The following GPAT3 variants were observed in gnomAD, a reference collection of about 807,000 sequenced individuals.
The protein encoded by GPAT3 is 1-AGP acyltransferase 9.
In GPAT3, 53 loss-of-function variants were observed where a neutral mutation model predicts 58.8. The ratio of observed to expected loss-of-function variants is 0.90; its 90% CI spans 0.72 to 1.13. GPAT3 has a LOEUF of 1.13. GPAT3 is among the 50% of genes most tolerant of loss of function. The pLI, the probability that GPAT3 is intolerant of heterozygous loss-of-function variation, is 0.00. For synonymous variants in GPAT3, 197 were observed against 187.4 expected (o/e 1.05, Z -0.42); for missense variants, 511 against 527.6 (o/e 0.97, Z 0.31).
chr4:83,559,626 G>A (rs1378054657), intron 2 of GPAT3, among the ~76,000 whole-genome samples: 1 of 152,118 alleles, frequency 6.6e-6, no homozygotes, highest in Non-Finnish European at 1.5e-5. Context: ...CCCGGAGAAA[G>A]CAGGAAAGTT....
Position 83,594,940 on chromosome 4 carries a change from T to C in GPAT3, c.834T>C (p.Asp278=), listed in dbSNP as rs1340952699. The part of the protein sequence containing the change: ...HVWFERSEMK[D]RHLVTKRLKE... ...GGTTTGAACGCTCAGAAATGAAGGA[T>C]CGACACCTGGTTACTAAGAGGTAAG... Residue 278 remains aspartate (D), a synonymous_variant, in exon 7 of 12, where the codon GAT becomes GAC. Coordinates refer to ENST00000264409, the MANE Select transcript of GPAT3 (RefSeq NM_032717.5). The C allele has an allele frequency of 6.2e-7, 1 of 1,613,742 alleles. No individual in the cohort carries two copies. The highest frequency in any genetic ancestry group is 8.5e-7 in the Non-Finnish European group (1 of 1,179,816).
intron 2 of GPAT3, among the ~76,000 whole-genome samples, chr4:83,573,143 T>C (rs1286306857): frequency 1.3e-5 from 2 of 152,112 alleles, no homozygotes; most frequent in Admixed American, 6.5e-5. Flanking sequence ...TTTATTTATT[T>C]ATTTATTTTG....
intron 2 of GPAT3, among the ~76,000 whole-genome samples, chr4:83,551,702 GA>G (rs1405328142): frequency 6.7e-6 from 1 of 148,888 alleles, no homozygotes; most frequent in East Asian, 2.0e-4. Flanking sequence ...TGAGGCAGGA[GA>G]ATCGCTTGAA....
intron 2 of GPAT3, among the ~76,000 whole-genome samples, chr4:83,563,160 T>G (rs1481818441): frequency 6.6e-6 from 1 of 152,240 alleles, no homozygotes; most frequent in Non-Finnish European, 1.5e-5. Flanking sequence ...TACTGATGTT[T>G]TTCTGGGAGG....
chr4:83,594,922 A>G lies in GPAT3; in HGVS notation c.816A>G (p.Glu272=). 1 of 1,613,946 alleles carries G rather than the reference A, an allele frequency of 6.2e-7. No individual in the cohort carries two copies. The highest frequency in any genetic ancestry group is 1.7e-5 in the Admixed American group (1 of 60,002). The change falls in exon 7 of 12, where the codon GAA becomes GAG. Residue 272 remains glutamate (E), a synonymous_variant. Coordinates refer to ENST00000264409, the MANE Select transcript of GPAT3 (RefSeq NM_032717.5). The part of the protein sequence containing the change: ...MVKACPHVWF[E]RSEMKDRHLV... ...AGGCTTGTCCTCATGTCTGGTTTGA[A>G]CGCTCAGAAATGAAGGATCGACACC...
intron 2 of GPAT3, among the ~76,000 whole-genome samples, chr4:83,546,876 T>C (rs1724538957): frequency 6.6e-6 from 1 of 152,126 alleles, no homozygotes; most frequent in African/African-American, 2.4e-5. Flanking sequence ...TTTGCTCCCC[T>C]CCTGATTTCG....
intron 9 of GPAT3, among the ~76,000 whole-genome samples, chr4:83,597,770 C>T (rs1726900637): frequency 6.6e-6 from 1 of 152,148 alleles, no homozygotes; most frequent in Non-Finnish European, 1.5e-5. Flanking sequence ...TCTGTTCCTG[C>T]TTTCATCAGC....
rs1328185712 is a variant in GPAT3, at chr4:83,605,315, TG to T, written c.*549del. The T allele has an allele frequency of 6.6e-6, 1 of 152,318 alleles. No homozygotes were observed. The highest frequency in any genetic ancestry group is 2.4e-5 in the African/African-American group (1 of 41,442). The allele number at this position is 152,318 out of a possible 1,614,324, so 9.4% of individuals were successfully genotyped here. A position where few individuals can be genotyped will look rare whatever the true frequency, so the allele number is the denominator to read the frequency against. The stretch of plus-strand genomic sequence containing the variant: ...AGGAAATGTAAATTAGTGTCATTAG[TG>T]TGTTGGAAGAGAAATACTATTCAGT... On this transcript the variant is annotated 3_prime_UTR_variant, in exon 12 of 12. Transcript: ENST00000264409.
At chr4:83,554,801 C>CT (rs34785812) in intron 2 of GPAT3, among the ~76,000 whole-genome samples, 14,277 of 129,864 alleles carry the variant, frequency 0.11, 1,095 homozygotes, top group East Asian at 0.17. Flanking sequence ...GAAGCTCCCT[C>CT]TTTTTTTTTT....
At chr4:83,536,833 A>G in intron 1 of GPAT3, 70 bp downstream of exon 1, 1 of 1,467,502 alleles carries the variant, frequency 6.8e-7, no homozygotes. Flanking sequence ...CCAGTTCTCA[A>G]GGTCAGTGGT....
At chr4:83,579,368 C>T (rs144036881) in intron 2 of GPAT3, among the ~76,000 whole-genome samples, 3,099 of 145,716 alleles carry the variant, frequency 0.021, 116 homozygotes, top group African/African-American at 0.075. Flanking sequence ...TCATGGCTCA[C>T]TGCAGCCTCC....
At chr4:83,596,727 C>A (rs1339178414) in intron 7 of GPAT3, 131 bp from the exon 8 acceptor site, 3 of 697,232 alleles carry the variant, frequency 4.3e-6, no homozygotes, top group East Asian at 5.6e-5. Flanking sequence ...AAATTTATTT[C>A]TTTTACCTGT....
chr4:83,551,685 A>T (rs1369702461), intron 2 of GPAT3, among the ~76,000 whole-genome samples: 4 of 150,968 alleles, frequency 2.6e-5, no homozygotes, highest in Non-Finnish European at 5.9e-5. Flanking sequence ...TCAGCTACTC[A>T]GGAGGCTGAG....
At chr4:83,567,647 T>C (rs1235707385) in intron 2 of GPAT3, among the ~76,000 whole-genome samples, 1 of 152,072 alleles carries the variant, frequency 6.6e-6, no homozygotes, top group Admixed American at 6.6e-5. Context: ...TAAAAAAAGG[T>C]CTGGGCCAGG....
chr4:83,582,182 A>T (rs1418753161), intron 3 of GPAT3, among the ~76,000 whole-genome samples: 1 of 152,232 alleles, frequency 6.6e-6, no homozygotes, highest in Non-Finnish European at 1.5e-5. Context: ...TATTCACTAG[A>T]GCATCAGCCA....
intron 2 of GPAT3, among the ~76,000 whole-genome samples, chr4:83,565,610 C>T (rs1166418747): frequency 6.6e-6 from 1 of 152,144 alleles, no homozygotes; most frequent in Non-Finnish European, 1.5e-5. Flanking sequence ...GCAATTCTGC[C>T]TCAGCCTCCC....
intron 2 of GPAT3, among the ~76,000 whole-genome samples, chr4:83,563,459 A>G (rs1400738493): frequency 1.7e-5 from 2 of 120,536 alleles, no homozygotes; most frequent in East Asian, 2.3e-4. Flanking sequence ...AGTCTTTATT[A>G]TTTTATTTTT....
chr4:83,565,026 A>G (rs1578175487), intron 2 of GPAT3, among the ~76,000 whole-genome samples: 1 of 151,928 alleles, frequency 6.6e-6, no homozygotes, highest in African/African-American at 2.4e-5. Flanking sequence ...CACTCTGTGA[A>G]AAAAATCTTT....
rs543680732 is a variant in GPAT3, at chr4:83,547,292, A to G, written c.208+2690A>G. On this transcript the variant is annotated intron_variant, in intron 2 of 11. Transcript: ENST00000264409. Reference sequence around the variant, plus strand: ...TTTTGAGATGGAGTCTTGCTCTGTCACCCAGGCTGGAGTGCAGTGGCGGGA... The same window carrying G: ...TTTTGAGATGGAGTCTTGCTCTGTCGCCCAGGCTGGAGTGCAGTGGCGGGA... 5.7e-3 allele frequency among the ~76,000 whole-genome samples: 674 copies of G among 119,286 alleles called. 5 individuals carry two copies. The highest frequency in any genetic ancestry group is 0.019 in the African/African-American group (558 of 29,322). The allele number at this position is 119,286 out of a possible 152,430, so 78.3% of individuals were successfully genotyped here.
Sources: gnomAD v4.1 joint callset for allele counts (sites outside exome capture counted in the v4.1 genomes callset) on GRCh38, gnomAD v4.1.1 for gene constraint, MANE v1.5 for transcripts, NCBI Gene and HGNC (gene_info 2026-07-23, HGNC 2026-07-21) for gene names.